Variants in EPHA6 observed in about 807,000 individuals in gnomAD.
The protein encoded by EPHA6 is EPH receptor A6.
In EPHA6, 50 loss-of-function variants were observed where a neutral mutation model predicts 112.0. The observed-to-expected ratio is 0.45, with a 90% confidence interval of 0.36 to 0.56. EPHA6 has a LOEUF of 0.56. EPHA6 is among the 20% of genes least tolerant of loss of function. The probability of loss-of-function intolerance (pLI) is 0.00; values close to 1 mark genes in which losing one functional copy is unlikely to be tolerated. For missense variants in EPHA6, 1,280 were observed against 1,417.4 expected (o/e 0.90, Z 1.56); for synonymous variants, 529 against 490.7 (o/e 1.08, Z -1.03).
intron 2 of EPHA6, among the ~76,000 whole-genome samples, chr3:96,971,912 A>G (rs2042329738): frequency 6.6e-6 from 1 of 152,138 alleles, no homozygotes; most frequent in Non-Finnish European, 1.5e-5. Context: ...ATTTGGAGGA[A>G]TAATTAATTA....
intron 3 of EPHA6, among the ~76,000 whole-genome samples, chr3:97,108,686 C>A (rs2047636987): frequency 6.6e-6 from 1 of 152,086 alleles, no homozygotes; most frequent in South Asian, 2.1e-4. Flanking sequence ...ACAAGGTAGC[C>A]TATCTCATTT....
chr3:96,945,557 A>C (rs1335091352), intron 2 of EPHA6, among the ~76,000 whole-genome samples: 3 of 152,208 alleles, frequency 2.0e-5, no homozygotes, highest in South Asian at 2.1e-4. Flanking sequence ...GTCACTTAAC[A>C]ATTCCATATG....
At chr3:97,397,391 A>G (rs1465459113) in intron 5 of EPHA6, among the ~76,000 whole-genome samples, 1 of 151,660 alleles carries the variant, frequency 6.6e-6, no homozygotes, top group Non-Finnish European at 1.5e-5. Flanking sequence ...ATGTCATATA[A>G]TCCTGGATTA....
At chr3:97,150,281 A>G (rs1021730) in intron 3 of EPHA6, among the ~76,000 whole-genome samples, 11,900 of 152,086 alleles carry the variant, frequency 0.078, 761 homozygotes, top group Admixed American at 0.22. Context: ...TTCTCTATTG[A>G]TAATGTTTCT....
intron 12 of EPHA6, among the ~76,000 whole-genome samples, chr3:97,602,473 T>C (rs1308033382): frequency 1.3e-5 from 2 of 151,988 alleles, no homozygotes; most frequent in African/African-American, 4.8e-5. Flanking sequence ...AAATTACTAG[T>C]GGAGACAAGC....
At chr3:97,151,423 T>C (rs922073316) in intron 3 of EPHA6, among the ~76,000 whole-genome samples, 137 of 152,238 alleles carry the variant, frequency 9.0e-4, no homozygotes, top group African/African-American at 3.0e-3. Context: ...TTATACATAG[T>C]AGGTAATCAA....
chr3:97,016,794 T>C (rs1232889968), intron 3 of EPHA6, among the ~76,000 whole-genome samples: 3 of 152,234 alleles, frequency 2.0e-5, no homozygotes, highest in African/African-American at 7.2e-5. Flanking sequence ...TCTAGAATTA[T>C]CACAGGCATC....
At chr3:97,061,711 T>C (rs2046027247) in intron 3 of EPHA6, among the ~76,000 whole-genome samples, 1 of 152,132 alleles carries the variant, frequency 6.6e-6, no homozygotes, top group African/African-American at 2.4e-5. Context: ...TAAACAATGA[T>C]GCCCTGTAAG....
At chr3:97,622,013 A>G (rs942093732) in intron 13 of EPHA6, among the ~76,000 whole-genome samples, 1 of 151,910 alleles carries the variant, frequency 6.6e-6, no homozygotes, top group African/African-American at 2.4e-5. Context: ...AGACCAAAAT[A>G]TAAGAAAAAT....
intron 5 of EPHA6, among the ~76,000 whole-genome samples, chr3:97,344,854 A>T (rs2083463235): frequency 6.6e-6 from 1 of 152,150 alleles, no homozygotes; most frequent in African/African-American, 2.4e-5. Context: ...AATTCTATAG[A>T]ATCTGAGACA....
chr3:97,085,841 A>C (rs1246521187), intron 3 of EPHA6, among the ~76,000 whole-genome samples: 12 of 151,210 alleles, frequency 7.9e-5, no homozygotes, highest in Admixed American at 6.6e-4. Context: ...ATATTTTTCT[A>C]AAGTCAGTGA....
chr3:96,855,943 G>A (rs1376539066), intron 1 of EPHA6, among the ~76,000 whole-genome samples: 4 of 151,982 alleles, frequency 2.6e-5, no homozygotes, highest in Non-Finnish European at 4.4e-5. Context: ...ACTTGGCCTG[G>A]GTGGCTTTCA....
chr3:97,727,802 T>A (rs1261764456), intron 15 of EPHA6, among the ~76,000 whole-genome samples: 1 of 152,072 alleles, frequency 6.6e-6, no homozygotes, highest in Non-Finnish European at 1.5e-5. Context: ...ATTAAATACA[T>A]ACTAATTACA....
chr3:97,598,888 T>TA lies in EPHA6; in HGVS notation c.2512+6155dup, dbSNP rs573785763. On this transcript the variant is annotated intron_variant, in intron 12 of 17. Transcript: ENST00000389672. ...CTAGTTTACAGTCCCACCAACAGTG[T>TA]AAAAGTGTTCCTATTTCTCCACATC... Among the ~76,000 whole-genome samples, 5,230 of 151,292 alleles carry TA rather than the reference T, an allele frequency of 0.035. 537 individuals are homozygous for TA. The East Asian group carries it at 0.4, about 12-fold the overall frequency.
At chr3:97,219,675 G>T (rs1382867486) in intron 3 of EPHA6, among the ~76,000 whole-genome samples, 1 of 152,192 alleles carries the variant, frequency 6.6e-6, no homozygotes, top group Non-Finnish European at 1.5e-5. Context: ...ACTTGTGATG[G>T]GAAGTGCTGC....
intron 11 of EPHA6, among the ~76,000 whole-genome samples, chr3:97,557,089 A>G (rs1015684777): frequency 3.3e-5 from 5 of 152,028 alleles, no homozygotes; most frequent in East Asian, 1.9e-4. Context: ...TTATCATAGG[A>G]TAGATTCATA....
intron 11 of EPHA6, among the ~76,000 whole-genome samples, chr3:97,543,807 T>C (rs1304638709): frequency 1.3e-5 from 2 of 152,138 alleles, no homozygotes; most frequent in African/African-American, 4.8e-5. Context: ...AAGAGGTCCT[T>C]CACATCCCTT....
At chr3:97,490,209 TAATG>T (rs1347932629) in intron 10 of EPHA6, among the ~76,000 whole-genome samples, 6 of 152,156 alleles carry the variant, frequency 3.9e-5, no homozygotes, top group African/African-American at 1.4e-4. Context: ...ACAAAAATCT[TAATG>T]AAGTATGACA....
chr3:97,481,641 A>G, intron 9 of EPHA6: 1 of 432,220 alleles, frequency 2.3e-6, no homozygotes, highest in Non-Finnish European at 4.3e-6. Flanking sequence ...CGCCGCTTGG[A>G]GACGCCCCGC....
Sources: allele counts gnomAD v4.1 joint callset (sites outside exome capture counted in the v4.1 genomes callset), GRCh38; gene constraint gnomAD v4.1.1; transcripts MANE v1.5; gene names NCBI Gene and HGNC (gene_info 2026-07-23, HGNC 2026-07-21).